The following EPHA3 variants were observed in gnomAD, a reference collection of about 807,000 sequenced individuals.
EPHA3 encodes the protein EPH receptor A3.
A neutral mutation model predicts 107.1 loss-of-function variants in EPHA3; 42 were observed. The ratio of observed to expected loss-of-function variants is 0.39; its 90% CI spans 0.31 to 0.51. The LOEUF (loss-of-function observed/expected upper bound fraction) is 0.51, where lower values mean the gene tolerates loss of function less well. EPHA3 is among the 20% of genes least tolerant of loss of function. The pLI is 0.78. For missense variants in EPHA3, 1,183 were observed against 1,211.2 expected (o/e 0.98, Z 0.35); for synonymous variants, 461 against 424.8 (o/e 1.09, Z -1.05).
At chr3:89,381,007 C>G (rs143771196) in intron 5 of EPHA3, among the ~76,000 whole-genome samples, 137 of 151,652 alleles carry the variant, frequency 9.0e-4, no homozygotes, top group African/African-American at 3.2e-3. Flanking sequence ...GAGTCTCGCT[C>G]TCTTGCCCAG....
chr3:89,195,871 C>T (rs1051331611), intron 2 of EPHA3, among the ~76,000 whole-genome samples: 2 of 152,156 alleles, frequency 1.3e-5, no homozygotes, highest in African/African-American at 2.4e-5. Flanking sequence ...ATGAGAAAAA[C>T]TTCCATTATA....
chr3:89,213,459 C>A (rs1704154186), intron 3 of EPHA3, among the ~76,000 whole-genome samples: 1 of 151,808 alleles, frequency 6.6e-6, no homozygotes, highest in Non-Finnish European at 1.5e-5. Flanking sequence ...GAATGCATTG[C>A]AAATAAAGAT....
intron 5 of EPHA3, among the ~76,000 whole-genome samples, chr3:89,358,541 A>G (rs1708016675): frequency 6.6e-6 from 1 of 151,054 alleles, no homozygotes; most frequent in African/African-American, 2.4e-5. Context: ...AATTTAGGAC[A>G]TCTTAAAGGT....
chr3:89,227,517 G>A (rs1201136139), intron 3 of EPHA3, among the ~76,000 whole-genome samples: 1 of 151,844 alleles, frequency 6.6e-6, no homozygotes, highest in Non-Finnish European at 1.5e-5. Flanking sequence ...TATTTAAGTC[G>A]GTGTTTAACA....
chr3:89,453,788 G>T (rs1576386898), intron 15 of EPHA3, among the ~76,000 whole-genome samples: 1 of 152,170 alleles, frequency 6.6e-6, no homozygotes, highest in African/African-American at 2.4e-5. Context: ...CTTGCCAAAT[G>T]CTTTATTGAG....
At chr3:89,131,393 T>G (rs1256536984) in intron 2 of EPHA3, among the ~76,000 whole-genome samples, 1 of 152,174 alleles carries the variant, frequency 6.6e-6, no homozygotes, top group Non-Finnish European at 1.5e-5. Context: ...TAGGTTATTG[T>G]TTTTTTCTAA....
chr3:89,130,400 T>TA (rs1314270942), intron 2 of EPHA3, among the ~76,000 whole-genome samples: 1 of 152,146 alleles, frequency 6.6e-6, no homozygotes, highest in African/African-American at 2.4e-5. Context: ...ATATAAATTT[T>TA]AAAAAATAAA....
intron 5 of EPHA3, among the ~76,000 whole-genome samples, chr3:89,382,254 T>C (rs1297312071): frequency 6.6e-6 from 1 of 152,014 alleles, no homozygotes; most frequent in Non-Finnish European, 1.5e-5. Flanking sequence ...ACACATGTAA[T>C]CTTGGCACTT....
intron 5 of EPHA3, among the ~76,000 whole-genome samples, chr3:89,358,152 C>T (rs1429252531): frequency 6.6e-6 from 1 of 150,608 alleles, no homozygotes; most frequent in East Asian, 1.9e-4. Flanking sequence ...CTTTTTTTTA[C>T]TAAAATATTT....
intron 3 of EPHA3, among the ~76,000 whole-genome samples, chr3:89,299,004 A>G (rs540870547): frequency 6.6e-6 from 1 of 152,266 alleles, no homozygotes; most frequent in South Asian, 2.1e-4. Context: ...CATTATATAA[A>G]GATGTGTTGT....
At chr3:89,305,630 A>T (rs147907885) in intron 3 of EPHA3, among the ~76,000 whole-genome samples, 56 of 152,230 alleles carry the variant, frequency 3.7e-4, no homozygotes, top group African/African-American at 1.2e-3. Context: ...TCTTGATTGT[A>T]AGGGGAAAAA....
chr3:89,118,677 A>G (rs976678186), intron 1 of EPHA3, among the ~76,000 whole-genome samples: 1 of 151,912 alleles, frequency 6.6e-6, no homozygotes, highest in Non-Finnish European at 1.5e-5. Context: ...TGCCTGTTAC[A>G]TAATGACTCA....
chr3:89,322,532 T>C (rs550844276), intron 3 of EPHA3, among the ~76,000 whole-genome samples: 215 of 152,216 alleles, frequency 1.4e-3, no homozygotes, highest in African/African-American at 4.7e-3. Flanking sequence ...TTGGAAACTA[T>C]GTAAATGAAG....
intron 2 of EPHA3, among the ~76,000 whole-genome samples, chr3:89,133,691 A>T (rs1704252827): frequency 6.6e-6 from 1 of 152,206 alleles, no homozygotes; most frequent in South Asian, 2.1e-4. Flanking sequence ...TGTCGTGGAC[A>T]AGAATTGGAC....
At chr3:89,334,481 C>A (rs2107404951) in intron 3 of EPHA3, among the ~76,000 whole-genome samples, 1 of 152,334 alleles carries the variant, frequency 6.6e-6, no homozygotes, top group Middle Eastern at 3.4e-3. Context: ...AGGGTATTAA[C>A]ATTTTAAAGT....
At chr3:89,126,397 C>A (rs1185883218) in intron 1 of EPHA3, among the ~76,000 whole-genome samples, 1 of 151,674 alleles carries the variant, frequency 6.6e-6, no homozygotes, top group Non-Finnish European at 1.5e-5. Context: ...TAACCTATTA[C>A]AAATGAATAT....
At chr3:89,346,754 T>A (rs1221547061) in intron 5 of EPHA3, among the ~76,000 whole-genome samples, 1 of 148,342 alleles carries the variant, frequency 6.7e-6, no homozygotes, top group Non-Finnish European at 1.5e-5. Context: ...GTTTTAGGTC[T>A]AACGTTTAAG....
At position 89,216,603 on chromosome 3, in the gene EPHA3, T is replaced by C. The variant is rs185236552; in HGVS notation, c.814+6083T>C. Among the ~76,000 whole-genome samples the C allele has an allele frequency of 2.6e-3, 393 of 152,184 alleles. 2 individuals carry two copies. The highest frequency in any genetic ancestry group is 4.3e-3 in the Non-Finnish European group (295 of 67,928). On this transcript the variant is annotated intron_variant, in intron 3 of 16. Coordinates refer to ENST00000336596, the MANE Select transcript of EPHA3 (RefSeq NM_005233.6). ...TTTCTTTAACTTAAGGTGTTTTATA[T>C]GGATGACCTTCCTTAGCTCTGATTT...
At chr3:89,272,314 A>G (rs1432268391) in intron 3 of EPHA3, among the ~76,000 whole-genome samples, 6 of 151,814 alleles carry the variant, frequency 4.0e-5, no homozygotes, top group Non-Finnish European at 8.8e-5. Flanking sequence ...TAAAAATGAA[A>G]ATAAATTCTA....
Sources: gnomAD v4.1 joint callset for allele counts (sites outside exome capture counted in the v4.1 genomes callset) on GRCh38, gnomAD v4.1.1 for gene constraint, MANE v1.5 for transcripts, NCBI Gene and HGNC (gene_info 2026-07-23, HGNC 2026-07-21) for gene names.